Variants in HDAC9 observed in about 807,000 individuals in gnomAD.
HDAC9 encodes MEF-2 interacting transcription repressor (MITR) protein.
HDAC9 carries 41 observed loss-of-function variants against 139.4 expected under a neutral mutation model. The observed-to-expected ratio is 0.29, with a 90% confidence interval of 0.23 to 0.38. The LOEUF (loss-of-function observed/expected upper bound fraction) is 0.38, where lower values mean the gene tolerates loss of function less well. Among genes scored for constraint, HDAC9 ranks in the 10% least tolerant of loss-of-function variants. The pLI is 1.00. For synonymous variants in HDAC9, 517 were observed against 476.2 expected (o/e 1.09, Z -1.12); for missense variants, 1,147 against 1,297.0 (o/e 0.88, Z 1.78).
At chr7:18,881,124 CAAGA>C (rs1799707530) in intron 22 of HDAC9, among the ~76,000 whole-genome samples, 1 of 151,984 alleles carries the variant, frequency 6.6e-6, no homozygotes, top group African/African-American at 2.4e-5. Flanking sequence ...AAACAAATGC[CAAGA>C]AACAAACTGA....
chr7:18,229,148 C>G (rs1188950986), intron 2 of HDAC9, among the ~76,000 whole-genome samples: 1 of 152,148 alleles, frequency 6.6e-6, no homozygotes, highest in Non-Finnish European at 1.5e-5. Context: ...CATACATAAA[C>G]CTGTATCTAA....
intron 1 of HDAC9, among the ~76,000 whole-genome samples, chr7:18,109,684 A>G (rs1420446393): frequency 2.0e-5 from 3 of 151,624 alleles, no homozygotes; most frequent in Non-Finnish European, 4.4e-5. Context: ...TGTAATACTT[A>G]TTCATGTTGG....
intron 2 of HDAC9, among the ~76,000 whole-genome samples, chr7:18,499,760 A>G (rs538994124): frequency 3.9e-5 from 6 of 152,300 alleles, no homozygotes; most frequent in Non-Finnish European, 7.4e-5. Context: ...TTGGCCATCT[A>G]TTCTTACTTT....
At chr7:18,175,060 G>C (rs1419181836) in intron 2 of HDAC9, among the ~76,000 whole-genome samples, 5 of 152,212 alleles carry the variant, frequency 3.3e-5, no homozygotes, top group East Asian at 3.9e-4. Context: ...CCTGCCCCTA[G>C]AGGTGGAGTC....
At chr7:18,153,515 A>AT (rs1786940931) in intron 1 of HDAC9, among the ~76,000 whole-genome samples, 1 of 152,184 alleles carries the variant, frequency 6.6e-6, no homozygotes, top group Admixed American at 6.5e-5. Context: ...GCCCTCTACC[A>AT]GCCTGATTGG....
At chr7:18,185,977 T>C (rs1290441208) in intron 2 of HDAC9, among the ~76,000 whole-genome samples, 1 of 152,230 alleles carries the variant, frequency 6.6e-6, no homozygotes, top group East Asian at 1.9e-4. Context: ...GACCATTTAT[T>C]GAGTGTTCAT....
At chr7:18,125,217 T>A (rs1236769212) in intron 1 of HDAC9, among the ~76,000 whole-genome samples, 1 of 152,082 alleles carries the variant, frequency 6.6e-6, no homozygotes, top group Non-Finnish European at 1.5e-5. Flanking sequence ...GCCATATCAA[T>A]TCCTGCCACC....
At chr7:18,903,130 A>C (rs1396212496) in intron 22 of HDAC9, among the ~76,000 whole-genome samples, 4 of 152,244 alleles carry the variant, frequency 2.6e-5, no homozygotes, top group African/African-American at 9.6e-5. Flanking sequence ...GAGTAGGAGA[A>C]AGGAGGTGCT....
intron 25 of HDAC9, among the ~76,000 whole-genome samples, chr7:18,995,499 T>G (rs1585524293): frequency 6.6e-6 from 1 of 152,214 alleles, no homozygotes; most frequent in South Asian, 2.1e-4. Context: ...GCATTTCTTG[T>G]AAAAATATTG....
chr7:18,557,913 A>G (rs1819374591), intron 2 of HDAC9, among the ~76,000 whole-genome samples: 1 of 151,976 alleles, frequency 6.6e-6, no homozygotes, highest in Non-Finnish European at 1.5e-5. Flanking sequence ...GCTGAACTTG[A>G]AAGAATCTAG....
chr7:18,815,180 A>C (rs1463963336), intron 17 of HDAC9, among the ~76,000 whole-genome samples: 2 of 152,102 alleles, frequency 1.3e-5, no homozygotes, highest in African/African-American at 4.8e-5. Context: ...TCTTAAAAAC[A>C]AAAACAAATC....
chr7:18,816,506 G>A (rs1794570969), intron 17 of HDAC9, among the ~76,000 whole-genome samples: 1 of 152,152 alleles, frequency 6.6e-6, no homozygotes, highest in Admixed American at 6.5e-5. Flanking sequence ...TTATTTAACA[G>A]GATATTAACT....
chr7:18,100,609 G>A (rs1454741490), intron 1 of HDAC9, among the ~76,000 whole-genome samples: 1 of 152,046 alleles, frequency 6.6e-6, no homozygotes, highest in Non-Finnish European at 1.5e-5. Context: ...AGTTCAATGG[G>A]GTGTTTCACA....
At chr7:18,230,656 T>C (rs1793396241) in intron 2 of HDAC9, among the ~76,000 whole-genome samples, 1 of 152,198 alleles carries the variant, frequency 6.6e-6, no homozygotes, top group African/African-American at 2.4e-5. Context: ...TTGACTTTGA[T>C]TTTATATGCA....
intron 22 of HDAC9, among the ~76,000 whole-genome samples, chr7:18,879,338 G>A (rs1272147033): frequency 6.6e-6 from 1 of 152,034 alleles, no homozygotes; most frequent in African/African-American, 2.4e-5. Context: ...ACCAAAAAAA[G>A]AGCCCAAATA....
rs538526921 is a variant in HDAC9 at position 18,325,978 on chromosome 7, T to C, written c.-42+35463T>C. Among the ~76,000 whole-genome samples, 15 of 152,220 alleles carry C rather than the reference T, an allele frequency of 9.9e-5. No homozygotes were observed. In the East Asian group the frequency reaches 2.1e-3, roughly 22 times the overall value. On this transcript the variant is annotated intron_variant, in intron 1 of 3. Coordinates refer to the HDAC9 transcript ENST00000413509. ...AAGATATTGCCTGACAATCCATTTCTTAGAATGTATCTCTGTTGTTAAGCC... is the reference window on the plus strand; with the variant it reads ...AAGATATTGCCTGACAATCCATTTCCTAGAATGTATCTCTGTTGTTAAGCC...
chr7:18,530,292 A>T (rs1033638516), intron 2 of HDAC9, among the ~76,000 whole-genome samples: 1 of 152,170 alleles, frequency 6.6e-6, no homozygotes, highest in Non-Finnish European at 1.5e-5. Flanking sequence ...TGGAACAATT[A>T]TAAAATAATG....
At chr7:18,737,347 T>C (rs1167353037) in intron 13 of HDAC9, among the ~76,000 whole-genome samples, 1 of 152,236 alleles carries the variant, frequency 6.6e-6, no homozygotes, top group Non-Finnish European at 1.5e-5. Context: ...TTTAGATCTT[T>C]CCTGCTTTCT....
intron 21 of HDAC9, among the ~76,000 whole-genome samples, chr7:18,852,422 C>G (rs1238819451): frequency 6.6e-6 from 1 of 152,138 alleles, no homozygotes; most frequent in Non-Finnish European, 1.5e-5. Flanking sequence ...ACTATCATTC[C>G]TATTCTGAGG....
Sources: gnomAD v4.1 joint callset for allele counts (sites outside exome capture counted in the v4.1 genomes callset) on GRCh38, gnomAD v4.1.1 for gene constraint, MANE v1.5 for transcripts, NCBI Gene and HGNC (gene_info 2026-07-23, HGNC 2026-07-21) for gene names.